ZNF346: variants seen among roughly 807,000 people sequenced by gnomAD.
The protein encoded by ZNF346 is double-stranded RNA-binding zinc finger protein JAZ.
A neutral mutation model predicts 33.7 loss-of-function variants in ZNF346; 23 were observed. The ratio of observed to expected loss-of-function variants is 0.68; its 90% CI spans 0.49 to 0.97. ZNF346 has a LOEUF of 0.97. Among genes scored for constraint, ZNF346 ranks in the 50% least tolerant of loss-of-function variants. The pLI is 0.00. For missense variants in ZNF346, 340 were observed against 371.1 expected (o/e 0.92, Z 0.69); for synonymous variants, 134 against 142.4 (o/e 0.94, Z 0.42).
In ZNF346 at chr5:177,064,663, C is replaced by T; in HGVS notation, c.*64C>T. 7.7e-7 allele frequency: 1 copy of T among 1,303,772 alleles called. No homozygotes were observed. The highest frequency in any genetic ancestry group is 1.7e-5 in the Admixed American group (1 of 59,266). 80.8% of individuals were successfully genotyped at this position (1,303,772 alleles called of 1,614,324 possible). Reference sequence around the variant, plus strand: ...GAGCCAGCTTCCCGTGACTGCTCAGCCCTTGGCTCCCTCTTGCTCGTTGTT... The same window carrying T: ...GAGCCAGCTTCCCGTGACTGCTCAGTCCTTGGCTCCCTCTTGCTCGTTGTT... On this transcript the variant is annotated 3_prime_UTR_variant, in exon 7 of 7. Transcript: ENST00000358149.
At chr5:177,036,413 C>G (rs1054942686) in intron 1 of ZNF346, among the ~76,000 whole-genome samples, 1 of 152,140 alleles carries the variant, frequency 6.6e-6, no homozygotes, top group African/African-American at 2.4e-5. Context: ...AGATCTTGTT[C>G]TAAACACCTG....
chr5:177,078,629 T>C (rs1315859821), intron 8 of ZNF346, among the ~76,000 whole-genome samples: 1 of 152,048 alleles, frequency 6.6e-6, no homozygotes, highest in Non-Finnish European at 1.5e-5. Context: ...AAAAATAAGC[T>C]GGCCGGGCGT....
At chr5:177,043,299 CT>C (rs1372452924) in intron 3 of ZNF346, among the ~76,000 whole-genome samples, 4 of 152,258 alleles carry the variant, frequency 2.6e-5, no homozygotes, top group Non-Finnish European at 4.4e-5. Context: ...ACACCTGGCC[CT>C]TTTCTCACAA....
chr5:177,050,078 G>A (rs985870646), intron 4 of ZNF346, among the ~76,000 whole-genome samples: 1 of 152,182 alleles, frequency 6.6e-6, no homozygotes, highest in African/African-American at 2.4e-5. Context: ...CTCGTGATCC[G>A]CCTGCCTTGG....
chr5:177,051,542 G>A (rs933199608), intron 5 of ZNF346, among the ~76,000 whole-genome samples: 2 of 147,040 alleles, frequency 1.4e-5, no homozygotes, highest in African/African-American at 2.5e-5. Context: ...TTTTGTTTTT[G>A]CGTTTGTGTT....
chr5:177,057,797 C>T (rs989010844), intron 5 of ZNF346, among the ~76,000 whole-genome samples: 5 of 133,322 alleles, frequency 3.8e-5, no homozygotes, highest in South Asian at 2.4e-4. Flanking sequence ...CATAGATTTT[C>T]TTATTTATTT....
intron 5 of ZNF346, chr5:177,051,889 GCATAGTGGCTTATGCTGTAAT>G (rs1309748918): frequency 1.3e-5 from 2 of 152,152 alleles, no homozygotes; most frequent in Admixed American, 1.3e-4. Flanking sequence ...GCCCAGCCAG[GCATAGTGGCTTATGCTGTAAT>G]CCAAACACTT....
chr5:177,044,480 G>A lies in ZNF346; in HGVS notation c.464G>A (p.Gly155Glu), dbSNP rs1561995168. 2 of 1,614,048 alleles carry A rather than the reference G, an allele frequency of 1.2e-6. No homozygotes were observed. The highest frequency in any genetic ancestry group is 1.7e-6 in the Non-Finnish European group (2 of 1,180,018). ...SPVVAQSHYLGKTHAKNLKLK... is the reference protein window; with the variant it reads ...SPVVAQSHYLEKTHAKNLKLK... The stretch of plus-strand genomic sequence containing the variant: ...GTCGTGGCCCAGTCGCACTACCTGG[G>A]GAAGACCCACGCAAAGAACTTAAAG... The change falls in exon 4 of 7, where the codon GGG becomes GAG. Residue 155 changes from glycine to glutamate, a missense_variant. Physicochemically the swap from Gly to Glu is moderately conservative, Grantham distance 98. Transcript: ENST00000358149.
chr5:177,033,500 TTTTTG>T (rs564917691), intron 1 of ZNF346, among the ~76,000 whole-genome samples: 2 of 152,152 alleles, frequency 1.3e-5, no homozygotes, highest in Non-Finnish European at 2.9e-5. Flanking sequence ...TTGACGAATT[TTTTTG>T]TTTTGTTTTG....
At chr5:177,078,396 G>C (rs1314359431) in intron 8 of ZNF346, among the ~76,000 whole-genome samples, 1 of 152,216 alleles carries the variant, frequency 6.6e-6, no homozygotes, top group South Asian at 2.1e-4. Context: ...CTGGAGCTGG[G>C]ACAGCAGAGA....
exon 9 of ZNF346, chr5:177,079,891 C>G (rs1275071978): frequency 6.6e-6 from 1 of 152,310 alleles, no homozygotes; most frequent in Non-Finnish European, 1.5e-5. Flanking sequence ...GCCTGAAAGC[C>G]CCTGTCCTAG....
At chr5:177,039,704 C>T (rs1199690251) in intron 1 of ZNF346, among the ~76,000 whole-genome samples, 1 of 152,144 alleles carries the variant, frequency 6.6e-6, no homozygotes, top group African/African-American at 2.4e-5. Context: ...TCTCAAACTC[C>T]TGGGCTCAAC....
intron 1 of ZNF346, among the ~76,000 whole-genome samples, chr5:177,026,352 ATTTT>A (rs59380094): frequency 9.8e-6 from 1 of 101,910 alleles, no homozygotes; most frequent in East Asian, 2.9e-4. Flanking sequence ...TGGATTGGTA[ATTTT>A]TTTTTTTTTT....
At chr5:177,079,278 G>A (rs2149722986) in intron 8 of ZNF346, 2 of 149,940 alleles carry the variant, frequency 1.3e-5, no homozygotes, top group African/African-American at 4.9e-5. Flanking sequence ...AAAAAAAAAA[G>A]TCGTTTTGGG....
At chr5:177,026,272 T>G (rs1776750183) in intron 1 of ZNF346, among the ~76,000 whole-genome samples, 1 of 151,912 alleles carries the variant, frequency 6.6e-6, no homozygotes, top group African/African-American at 2.4e-5. Flanking sequence ...CCCAAAGTGC[T>G]GGCATTACAC....
At chr5:177,078,112 A>T (rs1783841091) in intron 8 of ZNF346, among the ~76,000 whole-genome samples, 1 of 152,102 alleles carries the variant, frequency 6.6e-6, no homozygotes, top group East Asian at 1.9e-4. Context: ...GCACCACTGC[A>T]CTCCAGCCTG....
At chr5:177,052,664 C>A (rs1363516345) in intron 5 of ZNF346, 1 of 152,128 alleles carries the variant, frequency 6.6e-6, no homozygotes, top group Non-Finnish European at 1.5e-5. Flanking sequence ...AGAATTTAGA[C>A]CCCTACATTA....
chr5:177,073,351 T>C (rs1452405671), intron 8 of ZNF346, among the ~76,000 whole-genome samples: 1 of 152,222 alleles, frequency 6.6e-6, no homozygotes, highest in African/African-American at 2.4e-5. Flanking sequence ...TCACACAGGC[T>C]GGAATGCAGT....
chr5:177,042,637 G>A (rs1024510865), intron 3 of ZNF346, among the ~76,000 whole-genome samples: 3 of 152,116 alleles, frequency 2.0e-5, no homozygotes, highest in African/African-American at 7.2e-5. Context: ...GGTCAGGAAG[G>A]TCCTTGTTTA....
Sources: allele counts gnomAD v4.1 joint callset (sites outside exome capture counted in the v4.1 genomes callset), GRCh38; gene constraint gnomAD v4.1.1; transcripts MANE v1.5; gene names NCBI Gene and HGNC (gene_info 2026-07-23, HGNC 2026-07-21).